Variants in SYT17 observed in about 807,000 individuals in gnomAD.
SYT17 encodes synaptotagmin-17.
Under a neutral mutation model 46.7 loss-of-function variants are expected in SYT17, and 22 were observed. That is an observed-to-expected ratio of 0.47 (90% CI 0.34 to 0.67). The LOEUF (loss-of-function observed/expected upper bound fraction) is 0.67. SYT17 is among the 30% of genes least tolerant of loss of function. The probability of loss-of-function intolerance (pLI) is 0.01; values close to 1 mark genes in which losing one functional copy is unlikely to be tolerated. For synonymous variants in SYT17, 251 were observed against 248.4 expected, an observed-to-expected ratio of 1.01 and a Z score of -0.10; for missense variants, 519 against 612.8, an observed-to-expected ratio of 0.85 and a Z score of 1.62.
chr16:19,208,874 C>T lies in SYT17; in HGVS notation c.952-14171C>T, dbSNP rs1965773522. On this transcript the variant is annotated intron_variant, in intron 5 of 7. Transcript: ENST00000355377. ...ACCTTATCTTATTTAATCACTTCTACAAGGACCTTCTTTTTTTTTTTTTTT... is the reference window on the plus strand; with the variant it reads ...ACCTTATCTTATTTAATCACTTCTATAAGGACCTTCTTTTTTTTTTTTTTT... Among the ~76,000 whole-genome samples, 2 of 129,984 alleles carry T rather than the reference C, an allele frequency of 1.5e-5. 1 individual carries two copies. Among genetic ancestry groups the T allele is most frequent in the African/African-American group, 6.3e-5 (2 of 31,872 alleles). 85.3% of individuals were successfully genotyped at this position (129,984 alleles called of 152,430 possible).
At chr16:19,178,784 A>C (rs750717325) in intron 3 of SYT17, among the ~76,000 whole-genome samples, 3 of 152,180 alleles carry the variant, frequency 2.0e-5, no homozygotes, top group African/African-American at 4.8e-5. Flanking sequence ...TGTTATTAGC[A>C]GCATCAGTCT....
chr16:19,199,981 T>C (rs190198463), intron 5 of SYT17, among the ~76,000 whole-genome samples: 90 of 152,348 alleles, frequency 5.9e-4, no homozygotes, highest in African/African-American at 2.0e-3. Context: ...CTATCCCTAT[T>C]GTACAGATAA....
intron 5 of SYT17, among the ~76,000 whole-genome samples, chr16:19,206,627 A>G (rs1473925729): frequency 6.6e-6 from 1 of 152,040 alleles, no homozygotes; most frequent in East Asian, 1.9e-4. Flanking sequence ...TCTACAGGAG[A>G]AACCACCCCA....
Position 19,249,939 on chromosome 16 carries a change from A to G in SYT17, c.1229-16941A>G, listed in dbSNP as rs752147080. ...ATTCACCAAGTCCTCTTTTTGCTCT[A>G]GGATCCAACAGCCCCATACCAGCCT... is the stretch of plus-strand genomic sequence containing the variant. On this transcript the variant is annotated intron_variant, in intron 7 of 7. Coordinates refer to ENST00000355377, the MANE Select transcript of SYT17 (RefSeq NM_016524.4). The G allele has an allele frequency of 1.1e-5, 17 of 1,535,144 alleles. No individual in the cohort carries two copies. In the South Asian group the frequency reaches 1.7e-4, roughly 15 times the overall value.
chr16:19,252,438 CATATATAT>C lies in SYT17; in HGVS notation c.1229-14440_1229-14433del, dbSNP rs1199908077. Among the ~76,000 whole-genome samples, 3 of 21,758 alleles carry C rather than the reference CATATATAT, an allele frequency of 1.4e-4. 1 individual carries two copies. Among genetic ancestry groups the C allele is most frequent in the African/African-American group, 8.0e-4 (2 of 2,496 alleles). 14.3% of individuals were successfully genotyped at this position (21,758 alleles called of 152,430 possible). ...ATACATATATATATACATATATATA[CATATATAT>C]ACACATATATACATATATATATACA... On this transcript the variant is annotated intron_variant, in intron 7 of 7. Coordinates refer to ENST00000355377, the MANE Select transcript of SYT17 (RefSeq NM_016524.4).
chr16:19,184,358 T>A (rs1226754408), intron 5 of SYT17, among the ~76,000 whole-genome samples: 1 of 152,032 alleles, frequency 6.6e-6, no homozygotes, highest in African/African-American at 2.4e-5. Flanking sequence ...AGGAAATAGA[T>A]GTTGGTAACT....
chr16:19,200,836 C>T (rs762041197), intron 5 of SYT17, among the ~76,000 whole-genome samples: 1 of 152,316 alleles, frequency 6.6e-6, no homozygotes, highest in African/African-American at 2.4e-5. Context: ...GGTTTAGTTT[C>T]AAAAGAGCTT....
In SYT17 at chr16:19,259,432, G is replaced by A. The variant is rs73532802; in HGVS notation, c.1229-7448G>A. On this transcript the variant is annotated intron_variant, in intron 7 of 7. Coordinates refer to ENST00000355377, the MANE Select transcript of SYT17 (RefSeq NM_016524.4). Reference sequence around the variant, plus strand: ...ATAAATGATCACACTGCAAATAGCCGCCAGCCCTGTGAAGGAGGAAAATGT... The same window carrying A: ...ATAAATGATCACACTGCAAATAGCCACCAGCCCTGTGAAGGAGGAAAATGT... Among the ~76,000 whole-genome samples, 874 of 152,184 alleles carry A rather than the reference G, an allele frequency of 5.7e-3. 15 individuals carry two copies. The highest frequency in any genetic ancestry group is 0.02 in the African/African-American group (849 of 41,510).
At chr16:19,241,658 C>A (rs995394311) in intron 7 of SYT17, among the ~76,000 whole-genome samples, 1 of 152,148 alleles carries the variant, frequency 6.6e-6, no homozygotes, top group Non-Finnish European at 1.5e-5. Flanking sequence ...GCCCCTAGGG[C>A]AGCAGGCTCT....
intron 7 of SYT17, among the ~76,000 whole-genome samples, chr16:19,239,843 A>T (rs1446582739): frequency 3.9e-5 from 6 of 152,182 alleles, no homozygotes; most frequent in Admixed American, 2.6e-4. Context: ...CAGAGTAGCA[A>T]GGGTTATGTG....
chr16:19,173,385 T>TTCC, intron 2 of SYT17, 45 bp from the exon 3 acceptor site: 1 of 56,732 alleles, frequency 1.8e-5, no homozygotes, highest in South Asian at 2.9e-4. Context: ...CCTGCCCACC[T>TTCC]CCCCTCTCCC....
intron 7 of SYT17, among the ~76,000 whole-genome samples, chr16:19,233,630 T>C (rs1966784903): frequency 6.6e-6 from 1 of 151,848 alleles, no homozygotes; most frequent in African/African-American, 2.4e-5. Flanking sequence ...CACTCCAACC[T>C]GGGCAACAGA....
At chr16:19,200,738 T>A (rs1050681086) in intron 5 of SYT17, among the ~76,000 whole-genome samples, 1 of 152,208 alleles carries the variant, frequency 6.6e-6, no homozygotes, top group East Asian at 1.9e-4. Flanking sequence ...GTGTTCGATC[T>A]TGACTTTTAC....
At chr16:19,223,930 ATG>A (rs202207190) in intron 6 of SYT17, among the ~76,000 whole-genome samples, 2,266 of 152,330 alleles carry the variant, frequency 0.015, 31 homozygotes, top group Non-Finnish European at 0.021. Context: ...TAGGAGTCAA[ATG>A]ATGTGGCTTA....
chr16:19,266,927 G>A lies in SYT17; in HGVS notation c.1276G>A (p.Val426Ile), dbSNP rs777483965. 8.1e-6 allele frequency: 13 copies of A among 1,613,442 alleles called. No homozygotes were observed. Among genetic ancestry groups the A allele is most frequent in the East Asian group, 4.5e-5 (2 of 44,848 alleles). ...CAGCAATGACTTCATCGGGAGGATCGTCATTGGCCAGTACTCTTCAGGCCC... is the reference window on the plus strand; with the variant it reads ...CAGCAATGACTTCATCGGGAGGATCATCATTGGCCAGTACTCTTCAGGCCC... Reference protein sequence around the residue: ...KSSNDFIGRIVIGQYSSGPSE... With the variant: ...KSSNDFIGRIIIGQYSSGPSE... Residue 426 changes from valine to isoleucine, a missense_variant, in exon 8 of 8, where the codon GTC becomes ATC. Transcript: ENST00000355377.
Position 19,183,940 on chromosome 16 carries a change from A to G in SYT17, c.744A>G (p.Lys248=), listed in dbSNP as rs752991657. Residue 248 remains lysine (K), a synonymous_variant, in exon 5 of 8, where the codon AAA becomes AAG. Coordinates refer to ENST00000355377, the MANE Select transcript of SYT17 (RefSeq NM_016524.4). This position sits in a 1 kb window ranked among gnomAD's most constrained non-coding sequence, Gnocchi z 5.6. ...AGAACTCAAAGCAGACCGGGGTCAAACGCAAGACCCAGAAGCCCGTGTTTG... is the reference window on the plus strand; with the variant it reads ...AGAACTCAAAGCAGACCGGGGTCAAGCGCAAGACCCAGAAGCCCGTGTTTG... ...DQKNSKQTGV[K]RKTQKPVFEE... The G allele has an allele frequency of 1.2e-6, 2 of 1,614,124 alleles. No individual in the cohort carries two copies. Among genetic ancestry groups the G allele is most frequent in the East Asian group, 2.2e-5 (1 of 44,878 alleles).
At chr16:19,266,185 C>T (rs911054192) in intron 7 of SYT17, among the ~76,000 whole-genome samples, 1 of 152,212 alleles carries the variant, frequency 6.6e-6, no homozygotes, top group African/African-American at 2.4e-5. Context: ...AGAGCTTGGT[C>T]AAATGATAGA....
At chr16:19,212,149 C>G (rs1237534665) in intron 5 of SYT17, among the ~76,000 whole-genome samples, 1 of 152,156 alleles carries the variant, frequency 6.6e-6, no homozygotes, top group African/African-American at 2.4e-5. Context: ...AGGGGTGATG[C>G]CGCTGGCATC....
intron 7 of SYT17, among the ~76,000 whole-genome samples, chr16:19,227,031 T>C (rs182867803): frequency 6.6e-6 from 1 of 152,250 alleles, no homozygotes; most frequent in East Asian, 1.9e-4. Context: ...TCACCTACTT[T>C]GGTGACCCTG....
Sources: gnomAD v4.1 joint callset for allele counts (sites outside exome capture counted in the v4.1 genomes callset) on GRCh38, gnomAD v4.1.1 for gene constraint, Gnocchi (gnomAD v3.1) non-coding constraint, MANE v1.5 for transcripts, NCBI Gene and HGNC (gene_info 2026-07-23, HGNC 2026-07-21) for gene names.